Variants in DCC observed in about 807,000 individuals in gnomAD.
The protein encoded by DCC is DCC netrin 1 receptor, also known as netrin receptor DCC.
DCC carries 58 observed loss-of-function variants against 172.5 expected under a neutral mutation model. The ratio of observed to expected loss-of-function variants is 0.34; its 90% CI spans 0.27 to 0.42. The LOEUF (loss-of-function observed/expected upper bound fraction) is 0.42, where lower values mean the gene tolerates loss of function less well. Ranked by LOEUF, DCC falls within the 10% of genes least tolerant of loss-of-function variation. The probability of loss-of-function intolerance (pLI) is 1.00; values close to 1 mark genes in which losing one functional copy is unlikely to be tolerated. For synonymous variants in DCC, 709 were observed against 644.5 expected (o/e 1.10, Z -1.52); for missense variants, 1,740 against 1,791.0 (o/e 0.97, Z 0.51).
chr18:52,957,409 T>C (rs144765051), intron 5 of DCC, among the ~76,000 whole-genome samples: 2,062 of 152,202 alleles, frequency 0.014, 62 homozygotes, highest in African/African-American at 0.048. Flanking sequence ...TTGAGCTAGT[T>C]CTTAAAATAT....
intron 1 of DCC, among the ~76,000 whole-genome samples, chr18:52,540,773 AT>A (rs1456359677): frequency 6.6e-6 from 1 of 151,420 alleles, no homozygotes. Flanking sequence ...CGCCCAGCTA[AT>A]TTTTTGTATT....
At chr18:52,615,225 T>G (rs2034357394) in intron 1 of DCC, among the ~76,000 whole-genome samples, 1 of 152,212 alleles carries the variant, frequency 6.6e-6, no homozygotes, top group Non-Finnish European at 1.5e-5. Context: ...ATTCTCTGAA[T>G]GACTGTCAGG....
At chr18:53,089,972 G>A (rs1336148013) in intron 7 of DCC, among the ~76,000 whole-genome samples, 1 of 152,056 alleles carries the variant, frequency 6.6e-6, no homozygotes, top group Non-Finnish European at 1.5e-5. Flanking sequence ...AGTACAAATA[G>A]CATCTAACAT....
chr18:52,363,615 G>A (rs16954769), intron 1 of DCC, among the ~76,000 whole-genome samples: 3,660 of 152,218 alleles, frequency 0.024, 70 homozygotes, highest in African/African-American at 0.047. Context: ...CCATAAGAAA[G>A]GGCACAAGGC....
intron 1 of DCC, among the ~76,000 whole-genome samples, chr18:52,469,704 G>A (rs753334198): frequency 5.9e-5 from 9 of 152,212 alleles, no homozygotes; most frequent in Non-Finnish European, 1.3e-4. Context: ...ATCTCAATAA[G>A]GCTTTTTAAT....
intron 1 of DCC, among the ~76,000 whole-genome samples, chr18:52,353,473 C>G (rs895304908): frequency 2.6e-5 from 4 of 152,194 alleles, no homozygotes; most frequent in African/African-American, 9.6e-5. Context: ...AGAGCACACA[C>G]ATGCTCAAAG....
At chr18:53,009,655 C>T (rs1221890681) in intron 5 of DCC, among the ~76,000 whole-genome samples, 1 of 151,790 alleles carries the variant, frequency 6.6e-6, no homozygotes. Flanking sequence ...TTTGTCTGTT[C>T]TTCATATATG....
At chr18:53,480,130 G>A (rs957878747) in intron 25 of DCC, among the ~76,000 whole-genome samples, 3 of 152,168 alleles carry the variant, frequency 2.0e-5, no homozygotes, top group Non-Finnish European at 4.4e-5. Context: ...GGGCTTCATA[G>A]ACACATCTCA....
intron 7 of DCC, among the ~76,000 whole-genome samples, chr18:53,114,442 T>G (rs545515665): frequency 6.6e-6 from 1 of 151,440 alleles, no homozygotes; most frequent in Non-Finnish European, 1.5e-5. Context: ...AGTAATAGAG[T>G]ATCTCAGTAT....
chr18:53,420,688 T>A (rs973263525), intron 21 of DCC, among the ~76,000 whole-genome samples: 6 of 152,190 alleles, frequency 3.9e-5, no homozygotes, highest in African/African-American at 1.4e-4. Flanking sequence ...CCCTACCCTA[T>A]GATTTCATTT....
At chr18:52,434,342 A>G (rs966806888) in intron 1 of DCC, among the ~76,000 whole-genome samples, 4 of 152,150 alleles carry the variant, frequency 2.6e-5, no homozygotes, top group African/African-American at 9.7e-5. Flanking sequence ...ATGCTACTAA[A>G]CATCTTACAA....
intron 1 of DCC, among the ~76,000 whole-genome samples, chr18:52,442,824 C>T (rs973460809): frequency 5.9e-5 from 9 of 152,146 alleles, no homozygotes; most frequent in Non-Finnish European, 1.2e-4. Flanking sequence ...CCGCCATTAC[C>T]TTGCTCTACA....
rs185239379 is a variant in DCC, at chr18:53,088,660, A to C, written c.1261+22494A>C. On this transcript the variant is annotated intron_variant, in intron 7 of 28. Coordinates refer to ENST00000442544, the MANE Select transcript of DCC (RefSeq NM_005215.4). ...TTGAAAGGATCAACAGAATTGATAG[A>C]CCGCTAGCAAGACTAATAAAGAAAA... Among the ~76,000 whole-genome samples the C allele has an allele frequency of 3.9e-5, 6 of 152,344 alleles. No homozygotes were observed. The East Asian group carries it at 1.2e-3, about 29-fold the overall frequency.
At chr18:52,429,512 G>T (rs1292471528) in intron 1 of DCC, among the ~76,000 whole-genome samples, 1 of 151,936 alleles carries the variant, frequency 6.6e-6, no homozygotes, top group African/African-American at 2.4e-5. Flanking sequence ...AATTTATTTG[G>T]CTGTGTGAAC....
chr18:53,389,329 A>T lies in DCC; in HGVS notation c.2456-2326A>T, dbSNP rs531627386. 4.6e-5 allele frequency among the ~76,000 whole-genome samples: 7 copies of T among 152,366 alleles called. No homozygotes were observed. In the South Asian group the frequency reaches 1.4e-3, roughly 32 times the overall value. ...AAGAATGTGTTAAATTCAATTATTC[A>T]AATATTAATAGTTTCTGACCTGAGA... On this transcript the variant is annotated intron_variant, in intron 16 of 28. Transcript: ENST00000442544.
At chr18:53,211,617 G>C (rs954609895) in intron 11 of DCC, among the ~76,000 whole-genome samples, 1 of 152,046 alleles carries the variant, frequency 6.6e-6, no homozygotes, top group Non-Finnish European at 1.5e-5. Flanking sequence ...CCAGCTACTC[G>C]GGAGGCTGAG....
At chr18:52,375,257 C>T (rs921748523) in intron 1 of DCC, among the ~76,000 whole-genome samples, 1 of 152,070 alleles carries the variant, frequency 6.6e-6, no homozygotes, top group Non-Finnish European at 1.5e-5. Flanking sequence ...ATATCAAAGC[C>T]AATCAAGATG....
intron 1 of DCC, among the ~76,000 whole-genome samples, chr18:52,565,205 G>T (rs1309340457): frequency 6.6e-6 from 1 of 152,130 alleles, no homozygotes; most frequent in Non-Finnish European, 1.5e-5. Context: ...GGTTAAAAAT[G>T]ATAATGTGTC....
At chr18:53,035,452 G>T (rs1280792356) in intron 5 of DCC, among the ~76,000 whole-genome samples, 1 of 151,898 alleles carries the variant, frequency 6.6e-6, no homozygotes, top group African/African-American at 2.4e-5. Flanking sequence ...AGTATTACCT[G>T]GTCAAACTGA....
Sources: gnomAD v4.1 joint callset for allele counts (sites outside exome capture counted in the v4.1 genomes callset) on GRCh38, gnomAD v4.1.1 for gene constraint, MANE v1.5 for transcripts, NCBI Gene and HGNC (gene_info 2026-07-23, HGNC 2026-07-21) for gene names.